Variants in MAD1L1 observed in about 807,000 individuals in gnomAD.
MAD1L1 encodes mitotic arrest deficient 1 like 1, also known as mitotic spindle assembly checkpoint protein MAD1.
A neutral mutation model predicts 96.9 loss-of-function variants in MAD1L1; 95 were observed. The observed-to-expected ratio is 0.98, with a 90% confidence interval of 0.83 to 1.16. The LOEUF (loss-of-function observed/expected upper bound fraction) is 1.16. Ranked by LOEUF, MAD1L1 falls within the 50% of genes most tolerant of loss-of-function variation. MAD1L1 has a pLI of 0.00. For synonymous variants in MAD1L1, 473 were observed against 396.6 expected (o/e 1.19, Z -2.29); for missense variants, 1,007 against 954.4 (o/e 1.06, Z -0.73).
intron 16 of MAD1L1, among the ~76,000 whole-genome samples, chr7:1,939,316 C>A (rs1778823930): frequency 6.6e-6 from 1 of 150,784 alleles, no homozygotes; most frequent in Non-Finnish European, 1.5e-5. Flanking sequence ...CACACACATA[C>A]ACACACACAT....
At chr7:1,931,989 T>C (rs1441416342) in intron 17 of MAD1L1, among the ~76,000 whole-genome samples, 1 of 152,194 alleles carries the variant, frequency 6.6e-6, no homozygotes, top group Non-Finnish European at 1.5e-5. Flanking sequence ...AGGAGGAGGC[T>C]GCCAAAGAGT....
chr7:2,082,735 C>CA (rs1785716153), intron 11 of MAD1L1, among the ~76,000 whole-genome samples: 1 of 152,216 alleles, frequency 6.6e-6, no homozygotes, highest in Non-Finnish European at 1.5e-5. Flanking sequence ...CCCGATAGCC[C>CA]AATTAGCAGC....
intron 18 of MAD1L1, among the ~76,000 whole-genome samples, chr7:1,825,996 T>C (rs1192520457): frequency 6.6e-6 from 1 of 152,116 alleles, no homozygotes; most frequent in Non-Finnish European, 1.5e-5. Flanking sequence ...CCAGCTTGGC[T>C]TCATGACCTC....
intron 10 of MAD1L1, among the ~76,000 whole-genome samples, chr7:2,172,629 A>G (rs1455615982): frequency 1.3e-5 from 2 of 152,250 alleles, no homozygotes; most frequent in Non-Finnish European, 2.9e-5. Context: ...ACTTCCCAGC[A>G]GCATCCAGCA....
At chr7:1,952,220 C>T (rs980830924) in intron 16 of MAD1L1, among the ~76,000 whole-genome samples, 11 of 152,200 alleles carry the variant, frequency 7.2e-5, no homozygotes, top group African/African-American at 2.2e-4. Context: ...CATCGGCTGC[C>T]GGGAATCTGT....
At chr7:1,829,984 C>T (rs1782626918) in intron 18 of MAD1L1, among the ~76,000 whole-genome samples, 1 of 152,128 alleles carries the variant, frequency 6.6e-6, no homozygotes, top group South Asian at 2.1e-4. Context: ...TATCTCCCCC[C>T]AAATAAAGAC....
intron 10 of MAD1L1, among the ~76,000 whole-genome samples, chr7:2,198,957 C>T (rs898149615): frequency 9.9e-5 from 15 of 152,220 alleles, no homozygotes; most frequent in Non-Finnish European, 1.8e-4. Flanking sequence ...CAGAGAGACG[C>T]GCTGTGGGGC....
chr7:1,929,401 G>A (rs548343668), intron 17 of MAD1L1, among the ~76,000 whole-genome samples: 108 of 152,298 alleles, frequency 7.1e-4, no homozygotes, highest in Non-Finnish European at 1.2e-3. Flanking sequence ...CAGCCTGGAC[G>A]TGGCAGGGGG....
At chr7:2,077,891 C>T (rs532205156) in intron 11 of MAD1L1, among the ~76,000 whole-genome samples, 5 of 152,318 alleles carry the variant, frequency 3.3e-5, no homozygotes, top group South Asian at 2.1e-4. Context: ...CACAGGCGCC[C>T]GTCGGGGAGC....
rs1783417619 is a variant in MAD1L1, at chr7:2,035,327, T to C, written c.1219-20685A>G. Among the ~76,000 whole-genome samples, 7 of 127,870 alleles carry C rather than the reference T, an allele frequency of 5.5e-5. No homozygotes were observed. In the South Asian group the frequency reaches 1.5e-3, roughly 28 times the overall value. 83.9% of individuals were successfully genotyped at this position (127,870 alleles called of 152,430 possible). A position where few individuals can be genotyped will look rare whatever the true frequency, so the allele number is the denominator to read the frequency against. On this transcript the variant is annotated intron_variant, in intron 12 of 18. Coordinates refer to ENST00000265854, the MANE Select transcript of MAD1L1 (RefSeq NM_001013836.2). ...GCATGAGCGCAGGAGCACTGACAAG[T>C]CGGGACAGAGCTGGGGTCCAGGCTC...
rs757073477 is a variant in MAD1L1, at chr7:2,230,548, C to A, written c.-11+1G>T. On this transcript the variant is annotated splice_donor_variant, in intron 2 of 18. Transcript: ENST00000265854. LOFTEE classifies it low-confidence loss of function (5UTR_SPLICE). The stretch of plus-strand genomic sequence containing the variant: ...GGGCTTTATTGGGGAAACTGACTCA[C>A]GCGATTACAGAGACTGTCCCACAAC... 5 of 183,092 alleles carry A rather than the reference C, an allele frequency of 2.7e-5. No homozygotes were observed. Among genetic ancestry groups the A allele is most frequent in the Non-Finnish European group, 5.9e-5 (5 of 85,414 alleles). 11.3% of individuals were successfully genotyped at this position (183,092 alleles called of 1,614,324 possible).
intron 15 of MAD1L1, among the ~76,000 whole-genome samples, chr7:1,966,890 A>C (rs945791677): frequency 6.6e-6 from 1 of 152,212 alleles, no homozygotes; most frequent in Non-Finnish European, 1.5e-5. Context: ...AGACGGACCC[A>C]CCCGAGGGAA....
intron 10 of MAD1L1, among the ~76,000 whole-genome samples, chr7:2,191,280 AG>A (rs1250883453): frequency 2.6e-5 from 4 of 152,208 alleles, no homozygotes; most frequent in Non-Finnish European, 4.4e-5. Context: ...ACCTGCCACT[AG>A]GAAGTCGCAA....
intron 18 of MAD1L1, among the ~76,000 whole-genome samples, chr7:1,864,084 C>T (rs1042514122): frequency 6.6e-5 from 10 of 152,190 alleles, no homozygotes; most frequent in African/African-American, 1.2e-4. Flanking sequence ...CGAGGAAAGC[C>T]GAGGGAGAAA....
At chr7:2,181,819 T>C (rs1353298120) in intron 10 of MAD1L1, among the ~76,000 whole-genome samples, 1 of 152,026 alleles carries the variant, frequency 6.6e-6, no homozygotes, top group Non-Finnish European at 1.5e-5. Context: ...TCTCTATATA[T>C]ATATATATAT....
chr7:2,102,289 C>T (rs62442995), intron 11 of MAD1L1, among the ~76,000 whole-genome samples: 46,978 of 101,542 alleles, frequency 0.46, 7,858 homozygotes, highest in South Asian at 0.6. Flanking sequence ...ACCACCACCG[C>T]CACTGTCACC....
rs574474787 is a variant in MAD1L1, at chr7:1,998,671, G to C, written c.1416+3394C>G. 4.6e-5 allele frequency among the ~76,000 whole-genome samples: 7 copies of C among 152,294 alleles called. No individual in the cohort carries two copies. The East Asian group carries it at 1.4e-3, about 29-fold the overall frequency. On this transcript the variant is annotated intron_variant, in intron 14 of 18. Coordinates refer to ENST00000265854, the MANE Select transcript of MAD1L1 (RefSeq NM_001013836.2). ...AGAAAGCTCAGTCACTGAGAAGGAA[G>C]CACCGACAGCCCTCAGGGCTGGGAA... is the stretch of plus-strand genomic sequence containing the variant.
chr7:1,922,981 C>A (rs1788884635), intron 17 of MAD1L1, among the ~76,000 whole-genome samples: 1 of 152,226 alleles, frequency 6.6e-6, no homozygotes, highest in Non-Finnish European at 1.5e-5. Flanking sequence ...CCGCAGTGTT[C>A]TTCAGTTTTG....
chr7:2,105,271 G>A (rs1283305217), intron 11 of MAD1L1, among the ~76,000 whole-genome samples: 1 of 152,138 alleles, frequency 6.6e-6, no homozygotes, highest in Non-Finnish European at 1.5e-5. Context: ...GGCTTCAGGT[G>A]GTCACAGCCT....
Sources: gnomAD v4.1 joint callset for allele counts (sites outside exome capture counted in the v4.1 genomes callset) on GRCh38, gnomAD v4.1.1 for gene constraint, MANE v1.5 for transcripts, NCBI Gene and HGNC (gene_info 2026-07-23, HGNC 2026-07-21) for gene names.